Variants in LRP1B observed in about 807,000 individuals in gnomAD.
LRP1B encodes the protein low-density lipoprotein receptor-related protein 1B.
Under a neutral mutation model 556.6 loss-of-function variants are expected in LRP1B, and 217 were observed. The observed-to-expected ratio is 0.39, with a 90% CI of 0.35 to 0.44. The LOEUF (loss-of-function observed/expected upper bound fraction) is 0.44. Ranked by LOEUF, LRP1B falls within the 20% of genes least tolerant of loss-of-function variation. LRP1B has a pLI of 1.00. For missense variants in LRP1B, 5,053 were observed against 5,620.8 expected (o/e 0.90, Z 3.23); for synonymous variants, 2,047 against 1,865.8 (o/e 1.10, Z -2.50).
intron 1 of LRP1B, among the ~76,000 whole-genome samples, chr2:141,995,923 G>A (rs146908200): frequency 6.6e-6 from 1 of 152,252 alleles, no homozygotes; most frequent in African/African-American, 2.4e-5. Flanking sequence ...GGAAAAGAGG[G>A]AAGAAAAAGG....
intron 2 of LRP1B, among the ~76,000 whole-genome samples, chr2:141,796,098 T>G (rs1695803387): frequency 6.6e-6 from 1 of 151,614 alleles, no homozygotes; most frequent in Admixed American, 6.6e-5. Context: ...ATATCTAATT[T>G]GTTAAATCAG....
rs1208377840 is a variant in LRP1B at position 140,314,961 on chromosome 2, C to T, written c.12779G>A (p.Gly4260Glu). Residue 4260 changes from glycine to glutamate, a missense_variant, in exon 83 of 91, where the codon GGA (glycine) becomes GAA (glutamate). By Grantham distance (98) the Gly-to-Glu change is moderately conservative. Transcript: ENST00000389484. ...TAGAACTGATGGTACGCAAGTTCCTCCATTCTGGCAGTAGTTGCTACAGTG... is the reference window on the plus strand; with the variant it reads ...TAGAACTGATGGTACGCAAGTTCCTTCATTCTGGCAGTAGTTGCTACAGTG... ...VNHCSNYCQN[G>E]GTCVPSVLGR... 1 of 1,608,050 alleles carries T rather than the reference C, an allele frequency of 6.2e-7. No homozygotes were observed. Among genetic ancestry groups the T allele is most frequent in the African/African-American group, 1.3e-5 (1 of 74,726 alleles).
Position 141,394,371 on chromosome 2 carries a change from A to T in LRP1B, c.343+86025T>A, listed in dbSNP as rs1690165522. Among the ~76,000 whole-genome samples, 4 of 152,226 alleles carry T rather than the reference A, an allele frequency of 2.6e-5. No individual in the cohort carries two copies. In the South Asian group the frequency reaches 8.3e-4, roughly 32 times the overall value. On this transcript the variant is annotated intron_variant, in intron 3 of 90. Coordinates refer to ENST00000389484, the MANE Select transcript of LRP1B (RefSeq NM_018557.3). ...TAAATAAATTTTCTTTGCTATTGGC[A>T]AGTTGTTGTAATTTAAACCTGCTTC...
chr2:140,317,214 G>A (rs1469517055), intron 82 of LRP1B, among the ~76,000 whole-genome samples: 1 of 152,078 alleles, frequency 6.6e-6, no homozygotes, highest in East Asian at 1.9e-4. Context: ...CCACCCCAAA[G>A]GTAATGTGGT....
At chr2:140,815,839 G>A (rs1196437534) in intron 31 of LRP1B, among the ~76,000 whole-genome samples, 1 of 149,290 alleles carries the variant, frequency 6.7e-6, no homozygotes, top group Non-Finnish European at 1.5e-5. Flanking sequence ...TTAAGAGGGG[G>A]CTTCACAGAG....
intron 31 of LRP1B, among the ~76,000 whole-genome samples, chr2:140,824,723 C>G (rs1305601944): frequency 6.6e-6 from 1 of 152,032 alleles, no homozygotes; most frequent in Non-Finnish European, 1.5e-5. Flanking sequence ...TTGGATACAT[C>G]AAATGAAATG....
At chr2:140,977,767 T>C (rs1266382219) in intron 18 of LRP1B, among the ~76,000 whole-genome samples, 4 of 152,156 alleles carry the variant, frequency 2.6e-5, no homozygotes, top group Non-Finnish European at 5.9e-5. Flanking sequence ...ACTGTATGTA[T>C]GTCTTGAGTT....
At chr2:141,946,754 T>A (rs1001521639) in intron 1 of LRP1B, among the ~76,000 whole-genome samples, 7 of 152,194 alleles carry the variant, frequency 4.6e-5, no homozygotes, top group African/African-American at 1.7e-4. Context: ...GGCCTTTTAG[T>A]CATAATATTG....
At position 141,248,622 on chromosome 2, in the gene LRP1B, G is replaced by A. The variant is rs114412800; in HGVS notation, c.464-1268C>T. 5.4e-3 allele frequency among the ~76,000 whole-genome samples: 820 copies of A among 152,226 alleles called. 9 individuals carry two copies. Among genetic ancestry groups the A allele is most frequent in the African/African-American group, 0.017 (697 of 41,538 alleles). On this transcript the variant is annotated intron_variant, in intron 4 of 90. Coordinates refer to ENST00000389484, the MANE Select transcript of LRP1B (RefSeq NM_018557.3). ...GAAGCAAGGGTGTGTGAAGGAAAGC[G>A]GCAGAAGAGATGAAACTGGGAAAGT...
chr2:141,920,877 C>T lies in LRP1B; in HGVS notation c.83-110476G>A, dbSNP rs1005444636. Among the ~76,000 whole-genome samples, 13 of 152,042 alleles carry T rather than the reference C, an allele frequency of 8.6e-5. No homozygotes were observed. In the South Asian group the frequency reaches 2.7e-3, roughly 31 times the overall value. ...TAAGTTTGCACTTGTCCTCTAAACA[C>T]TTGGTATTAGTCCTGTCCTTTTCTA... On this transcript the variant is annotated intron_variant, in intron 1 of 90. Transcript: ENST00000389484.
Position 141,178,472 on chromosome 2 carries a change from T to C in LRP1B, c.1013+9949A>G, listed in dbSNP as rs16845574. ...AGATATCTTTGAGCCTTTTGGTTCTTAGGTTGCTGTACAAAAGGAACTATA... is the reference window on the plus strand; with the variant it reads ...AGATATCTTTGAGCCTTTTGGTTCTCAGGTTGCTGTACAAAAGGAACTATA... On this transcript the variant is annotated intron_variant, in intron 7 of 90. Coordinates refer to ENST00000389484, the MANE Select transcript of LRP1B (RefSeq NM_018557.3). Among the ~76,000 whole-genome samples, 1,130 of 152,230 alleles carry C rather than the reference T, an allele frequency of 7.4e-3. 13 individuals carry two copies. The highest frequency in any genetic ancestry group is 0.021 in the African/African-American group (879 of 41,552).
chr2:140,935,326 T>A (rs1487986223), intron 20 of LRP1B, among the ~76,000 whole-genome samples: 3 of 152,122 alleles, frequency 2.0e-5, no homozygotes, highest in Non-Finnish European at 4.4e-5. Context: ...GATATTTTGA[T>A]ATCTTTAAAG....
At chr2:141,404,140 C>G (rs1199841480) in intron 3 of LRP1B, among the ~76,000 whole-genome samples, 1 of 152,092 alleles carries the variant, frequency 6.6e-6, no homozygotes, top group Non-Finnish European at 1.5e-5. Flanking sequence ...TTAATACAAT[C>G]CTATTTCATC....
At chr2:140,921,720 T>G (rs1694741846) in intron 21 of LRP1B, among the ~76,000 whole-genome samples, 1 of 152,048 alleles carries the variant, frequency 6.6e-6, no homozygotes, top group African/African-American at 2.4e-5. Context: ...AAACACAATT[T>G]CCTTGCTAGG....
chr2:140,881,862 T>A (rs1693485804), intron 25 of LRP1B, among the ~76,000 whole-genome samples: 1 of 152,184 alleles, frequency 6.6e-6, no homozygotes. Context: ...GTAGATTGTA[T>A]GTCCTTTGTG....
chr2:141,509,079 C>T (rs1684031150), intron 2 of LRP1B, among the ~76,000 whole-genome samples: 1 of 152,082 alleles, frequency 6.6e-6, no homozygotes, highest in East Asian at 1.9e-4. Context: ...GACTTTGCAA[C>T]TCCGGGTATC....
chr2:142,102,578 T>G (rs997581713), intron 1 of LRP1B, among the ~76,000 whole-genome samples: 1 of 151,808 alleles, frequency 6.6e-6, no homozygotes, highest in African/African-American at 2.4e-5. Context: ...GTAATTACAT[T>G]CTTAAAATTA....
chr2:140,834,241 TTTATTA>T (rs1173546434), intron 31 of LRP1B, among the ~76,000 whole-genome samples: 6 of 152,296 alleles, frequency 3.9e-5, no homozygotes, highest in East Asian at 1.9e-4. Flanking sequence ...GTTTTTTATT[TTTATTA>T]TTATTTTTTG....
chr2:141,203,586 G>A, intron 6 of LRP1B, among the ~76,000 whole-genome samples: 1 of 152,142 alleles, frequency 6.6e-6, no homozygotes, highest in South Asian at 2.1e-4. Context: ...AATAATGGGG[G>A]GGGAGGACTT....
Sources: allele counts gnomAD v4.1 joint callset (sites outside exome capture counted in the v4.1 genomes callset), GRCh38; gene constraint gnomAD v4.1.1; transcripts MANE v1.5; gene names NCBI Gene and HGNC (gene_info 2026-07-23, HGNC 2026-07-21).